TAF3: variants seen among roughly 807,000 people sequenced by gnomAD.
TAF3 encodes TATA-box binding protein associated factor 3, also known as transcription initiation factor TFIID subunit 3.
A neutral mutation model predicts 80.6 loss-of-function variants in TAF3; 7 were observed. The observed-to-expected ratio is 0.09, with a 90% CI of 0.05 to 0.16. TAF3 has a LOEUF of 0.16. Among genes scored for constraint, TAF3 ranks in the 10% least tolerant of loss-of-function variants. The pLI is 1.00. For synonymous variants in TAF3, 444 were observed against 446.1 expected (o/e 1.00, Z 0.06); for missense variants, 921 against 1,140.2 (o/e 0.81, Z 2.77).
At chr10:7,849,613 A>C (rs1202256964) in intron 2 of TAF3, among the ~76,000 whole-genome samples, 2 of 151,828 alleles carry the variant, frequency 1.3e-5, no homozygotes, top group East Asian at 3.9e-4. Context: ...TTCTGTTATT[A>C]TGTATTGCCC....
At chr10:7,839,881 T>C (rs1464812527) in intron 2 of TAF3, among the ~76,000 whole-genome samples, 1 of 152,204 alleles carries the variant, frequency 6.6e-6, no homozygotes, top group East Asian at 1.9e-4. Context: ...CGGAGGTGTA[T>C]ACATGTCAGC....
At chr10:7,830,724 T>A (rs914847246) in intron 2 of TAF3, among the ~76,000 whole-genome samples, 1 of 152,146 alleles carries the variant, frequency 6.6e-6, no homozygotes, top group Non-Finnish European at 1.5e-5. Flanking sequence ...CCTCAAGTGA[T>A]CCGCCAGCCT....
chr10:7,977,272 G>A lies in TAF3; in HGVS notation c.2264G>A (p.Ser755Asn). 1 of 1,614,196 alleles carries A rather than the reference G, an allele frequency of 6.2e-7. No homozygotes were observed. Among genetic ancestry groups the A allele is most frequent in the Non-Finnish European group, 8.5e-7 (1 of 1,180,028 alleles). ...IKVEPVALAP[S>N]PVIPRLTLRV... ...GTGGAACCAGTCGCTCTGGCCCCGA[G>A]TCCAGTTATCCCCAGATTAACTCTC... Residue 755 changes from serine (S) to asparagine (N), a missense_variant, in exon 4 of 7, where the codon AGT becomes AAT. Transcript: ENST00000344293.
chr10:7,820,419 A>G (rs1228325224), intron 1 of TAF3, among the ~76,000 whole-genome samples: 1 of 152,256 alleles, frequency 6.6e-6, no homozygotes, highest in Non-Finnish European at 1.5e-5. Context: ...CCACTACCCT[A>G]AAAGCCACTT....
At chr10:7,863,716 T>TATACACATATATATATACACATATATA (rs1837178845) in intron 2 of TAF3, among the ~76,000 whole-genome samples, 1 of 83,392 alleles carries the variant, frequency 1.2e-5, no homozygotes, top group African/African-American at 4.3e-5. Context: ...CACATATATA[T>TATACACATATATATATACACATATATA]ATACACATAT....
At chr10:7,861,223 G>C (rs1210563368) in intron 2 of TAF3, among the ~76,000 whole-genome samples, 1 of 152,062 alleles carries the variant, frequency 6.6e-6, no homozygotes, top group East Asian at 1.9e-4. Flanking sequence ...CTTGGCCTCT[G>C]GAGTGCTGGG....
intron 2 of TAF3, among the ~76,000 whole-genome samples, chr10:7,956,269 C>G (rs948667743): frequency 2.0e-5 from 3 of 152,102 alleles, no homozygotes; most frequent in Non-Finnish European, 4.4e-5. Flanking sequence ...GTGGGCAGAT[C>G]ACGAGGTCAG....
chr10:7,903,232 A>G (rs936831635), intron 2 of TAF3, among the ~76,000 whole-genome samples: 2 of 152,166 alleles, frequency 1.3e-5, no homozygotes, highest in African/African-American at 2.4e-5. Context: ...CAAAAATGTA[A>G]TAATCCATTT....
chr10:7,979,776 T>C (rs137909952), intron 4 of TAF3, among the ~76,000 whole-genome samples: 1,642 of 148,096 alleles, frequency 0.011, 20 homozygotes, highest in Middle Eastern at 0.031. Context: ...TAGAATTTTA[T>C]GTAAAATAAA....
intron 2 of TAF3, among the ~76,000 whole-genome samples, chr10:7,856,504 TAAAAGAG>T (rs1310706584): frequency 1.3e-5 from 2 of 152,026 alleles, no homozygotes; most frequent in African/African-American, 4.8e-5. Context: ...AAATAGATTT[TAAAAGAG>T]AAAAGATTTT....
Position 7,995,713 on chromosome 10 carries a change from T to C in TAF3, c.2316-13365T>C, listed in dbSNP as rs574798578. On this transcript the variant is annotated intron_variant, in intron 4 of 6. Transcript: ENST00000344293. ...AAGATAAAATGTTTGCTACTTGATA[T>C]GTACTTGAGTTATGACAAGATAAAA... Among the ~76,000 whole-genome samples, 3 of 152,350 alleles carry C rather than the reference T, an allele frequency of 2.0e-5. No homozygotes were observed. The East Asian group carries it at 5.8e-4, about 29-fold the overall frequency.
intron 2 of TAF3, among the ~76,000 whole-genome samples, chr10:7,829,336 C>T (rs528134660): frequency 3.4e-4 from 52 of 152,252 alleles, no homozygotes; most frequent in African/African-American, 8.4e-4. Context: ...TATTAAGTGA[C>T]GCCCGCACTG....
chr10:7,861,627 C>T (rs76125144), intron 2 of TAF3, among the ~76,000 whole-genome samples: 6 of 151,836 alleles, frequency 4.0e-5, no homozygotes, highest in Non-Finnish European at 8.8e-5. Context: ...ATTTTTCCAC[C>T]ATCTCATAAC....
chr10:8,008,153 G>A (rs1389971579), intron 4 of TAF3, among the ~76,000 whole-genome samples: 1 of 142,714 alleles, frequency 7.0e-6, no homozygotes, highest in African/African-American at 2.6e-5. Context: ...CTAGAGTGCA[G>A]TGGCGAGATC....
At position 7,965,756 on chromosome 10, in the gene TAF3, C is replaced by T. The variant is rs1293786592; in HGVS notation, c.2232+14C>T. Reference sequence around the variant, plus strand: ...AAGCATGAAAAAGTAAGCAGTTTCTCATTTTTGGCCCTATCTGAACAGAGT... The same window carrying T: ...AAGCATGAAAAAGTAAGCAGTTTCTTATTTTTGGCCCTATCTGAACAGAGT... On this transcript the variant is annotated intron_variant, in intron 3 of 6. Transcript: ENST00000344293. The T allele has an allele frequency of 6.6e-7, 1 of 1,518,818 alleles. No individual in the cohort carries two copies. Among genetic ancestry groups the T allele is most frequent in the Non-Finnish European group, 8.8e-7 (1 of 1,142,582 alleles). 94.1% of individuals were successfully genotyped at this position (1,518,818 alleles called of 1,614,324 possible).
intron 4 of TAF3, among the ~76,000 whole-genome samples, chr10:8,007,466 AG>A (rs1425947664): frequency 6.6e-6 from 1 of 150,902 alleles, no homozygotes; most frequent in Non-Finnish European, 1.5e-5. Flanking sequence ...GGGGCAGGGA[AG>A]GAAGTTCATC....
intron 2 of TAF3, among the ~76,000 whole-genome samples, chr10:7,840,930 A>G (rs1049956441): frequency 6.6e-6 from 1 of 151,342 alleles, no homozygotes. Flanking sequence ...GCTCACTGCA[A>G]CCTCCACCTC....
chr10:7,885,855 A>G (rs1324671628), intron 2 of TAF3, among the ~76,000 whole-genome samples: 1 of 151,894 alleles, frequency 6.6e-6, no homozygotes, highest in African/African-American at 2.4e-5. Flanking sequence ...TCATGTTATT[A>G]TTTTTGATTA....
chr10:7,965,088 A>G lies in TAF3; in HGVS notation c.1578A>G (p.Lys526=), dbSNP rs1831556027. ...CCGTGGAGGTAAAGAAGAAGTTGAA[A>G]AAGGAACTAAAGACTAAAATGAAAA... The part of the protein sequence containing the change: ...PSSVEVKKKL[K]KELKTKMKKK... Residue 526 remains lysine, a synonymous_variant, in exon 3 of 7, where the codon AAA becomes AAG. Coordinates refer to ENST00000344293, the MANE Select transcript of TAF3 (RefSeq NM_031923.4). 2 of 1,614,094 alleles carry G rather than the reference A, an allele frequency of 1.2e-6. No individual in the cohort carries two copies. The highest frequency in any genetic ancestry group is 4.5e-5 in the East Asian group (2 of 44,886).
Sources: allele counts gnomAD v4.1 joint callset (sites outside exome capture counted in the v4.1 genomes callset), GRCh38; gene constraint gnomAD v4.1.1; transcripts MANE v1.5; gene names NCBI Gene and HGNC (gene_info 2026-07-23, HGNC 2026-07-21).